Variants in DCBLD1 observed in about 807,000 individuals in gnomAD.
DCBLD1 encodes discoidin, CUB and LCCL domain-containing protein 1.
DCBLD1 carries 57 observed loss-of-function variants against 71.5 expected under a neutral mutation model. The ratio of observed to expected loss-of-function variants is 0.80; its 90% CI spans 0.64 to 0.99. DCBLD1 has a LOEUF of 0.99. DCBLD1 is among the 50% of genes least tolerant of loss of function. The pLI is 0.00. For missense variants in DCBLD1, 891 were observed against 923.5 expected, an observed-to-expected ratio of 0.96 and a Z score of 0.46; for synonymous variants, 380 against 363.8, an observed-to-expected ratio of 1.04 and a Z score of -0.51.
chr6:117,547,185 G>C (rs894690571), intron 14 of DCBLD1, among the ~76,000 whole-genome samples: 3 of 152,140 alleles, frequency 2.0e-5, no homozygotes, highest in Admixed American at 6.5e-5. Context: ...AATTAAACCA[G>C]ACTTCCTAGC....
rs76876385 is a variant in DCBLD1, at chr6:117,501,787, A to G, written c.113-1980A>G. On this transcript the variant is annotated intron_variant, in intron 1 of 14. Transcript: ENST00000338728. ...GTATCATTTTCATTTAATTCTTGGC[A>G]ATTTTGTGTTTACCAACTGCCAGGG... is the stretch of plus-strand genomic sequence containing the variant. Among the ~76,000 whole-genome samples the G allele has an allele frequency of 9.9e-3, 1,511 of 152,240 alleles. 25 individuals are homozygous for G. The highest frequency in any genetic ancestry group is 0.035 in the African/African-American group (1,445 of 41,534).
chr6:117,548,427 T>A lies in DCBLD1; in HGVS notation c.2136T>A (p.Thr712=). 6.4e-7 allele frequency: 1 copy of A among 1,550,648 alleles called. No homozygotes were observed. The highest frequency in any genetic ancestry group is 2.4e-5 in the East Asian group (1 of 40,922). The change falls in exon 15 of 15, where the codon ACT becomes ACA. Residue 712 remains threonine (T), a synonymous_variant. Transcript: ENST00000338728. The part of the protein sequence containing the change: ...CLTPLNQTAM[T]ALL ...CACCCCTCAACCAGACGGCCATGACTGCCCTTTTGTGAACACAATGTGAAA... is the reference window on the plus strand; with the variant it reads ...CACCCCTCAACCAGACGGCCATGACAGCCCTTTTGTGAACACAATGTGAAA...
intron 14 of DCBLD1, among the ~76,000 whole-genome samples, chr6:117,557,206 A>C (rs1371528035): frequency 4.6e-5 from 7 of 152,110 alleles, no homozygotes; most frequent in Admixed American, 3.9e-4. Context: ...ATTGTAGTAA[A>C]TTGGTTCTTT....
chr6:117,501,310 GGTTGTCACGTCTTTCA>G (rs1253082740), intron 1 of DCBLD1, among the ~76,000 whole-genome samples: 2 of 150,078 alleles, frequency 1.3e-5, no homozygotes, highest in East Asian at 3.9e-4. Context: ...CTGATCATGT[GGTTGTCACGTCTTTCA>G]GTTGTCATTG....
At chr6:117,491,435 A>G (rs75517020) in intron 1 of DCBLD1, among the ~76,000 whole-genome samples, 4,647 of 152,294 alleles carry the variant, frequency 0.031, 84 homozygotes, top group Non-Finnish European at 0.038. Flanking sequence ...ACCTACTGTC[A>G]CTGCCAGCTC....
At chr6:117,500,044 A>G (rs887678631) in intron 1 of DCBLD1, among the ~76,000 whole-genome samples, 4 of 152,156 alleles carry the variant, frequency 2.6e-5, no homozygotes, top group African/African-American at 7.2e-5. Flanking sequence ...ATACTTGTCT[A>G]TTGGTTTTCA....
At position 117,525,406 on chromosome 6, in the gene DCBLD1, C is replaced by T. The variant is rs767838532; in HGVS notation, c.557C>T (p.Ser186Phe). ...TGTAGAGACGTAGCAGGAGACATTT[C>T]TGGGAATATGGTAGATGGATATAGA... The part of the protein sequence containing the change: ...AGCRDVAGDI[S>F]GNMVDGYRDT... Residue 186 changes from serine (S) to phenylalanine (F), a missense_variant, in exon 5 of 15, where the codon TCT (serine) becomes TTT (phenylalanine). Physicochemically the swap from Ser to Phe is radical, Grantham distance 155 (BLOSUM62 -2). Transcript: ENST00000338728. The T allele has an allele frequency of 2.6e-6, 4 of 1,515,742 alleles. No homozygotes were observed. In the African/African-American group the frequency reaches 5.6e-5, roughly 21 times the overall value. 93.9% of individuals were successfully genotyped at this position (1,515,742 alleles called of 1,614,324 possible).
intron 1 of DCBLD1, among the ~76,000 whole-genome samples, chr6:117,483,296 G>T (rs1776968473): frequency 6.6e-6 from 1 of 152,210 alleles, no homozygotes; most frequent in South Asian, 2.1e-4. Context: ...GTTCTTTCCA[G>T]CTGCCTTTTG....
At chr6:117,566,749 G>T in intron 14 of DCBLD1, 1 of 654,238 alleles carries the variant, frequency 1.5e-6, no homozygotes. Flanking sequence ...TCATTCCTTT[G>T]ATTTCCTCAC....
At chr6:117,494,179 T>G (rs1276343272) in intron 1 of DCBLD1, among the ~76,000 whole-genome samples, 2 of 152,218 alleles carry the variant, frequency 1.3e-5, no homozygotes, top group Admixed American at 6.5e-5. Flanking sequence ...TTTTTGGCTC[T>G]CAATTTTTAA....
At chr6:117,549,890 AAG>A (rs1779397239), downstream of DCBLD1, 3 of 983,108 alleles carry the variant, frequency 3.1e-6, no homozygotes, top group Non-Finnish European at 3.6e-6. Flanking sequence ...CCACAGTGGA[AAG>A]AGAAAGAGCT....
At chr6:117,527,963 C>G (rs1051867261) in intron 5 of DCBLD1, among the ~76,000 whole-genome samples, 4 of 152,160 alleles carry the variant, frequency 2.6e-5, no homozygotes, top group African/African-American at 9.7e-5. Flanking sequence ...TCTCTTGGCA[C>G]CTTCTCCCCA....
chr6:117,528,264 A>G (rs904260068), intron 5 of DCBLD1, among the ~76,000 whole-genome samples: 5 of 152,212 alleles, frequency 3.3e-5, no homozygotes, highest in Admixed American at 3.3e-4. Flanking sequence ...CATTTTGTGA[A>G]GAAAACATTA....
intron 11 of DCBLD1, among the ~76,000 whole-genome samples, chr6:117,541,489 A>C (rs1779095591): frequency 6.6e-6 from 1 of 152,204 alleles, no homozygotes; most frequent in Non-Finnish European, 1.5e-5. Flanking sequence ...ATTTCAAGAA[A>C]ACATAATGCG....
chr6:117,538,808 G>T lies in DCBLD1; in HGVS notation c.949G>T (p.Asp317Tyr), dbSNP rs143761981. 6.2e-7 allele frequency: 1 copy of T among 1,613,602 alleles called. No homozygotes were observed. Among genetic ancestry groups the T allele is most frequent in the African/African-American group, 1.3e-5 (1 of 74,898 alleles). The change falls in exon 8 of 15, where the codon GAT (aspartate) becomes TAT (tyrosine). Residue 317 changes from aspartate to tyrosine, a missense_variant. Physicochemically the swap from Asp to Tyr is radical, Grantham distance 160. Transcript: ENST00000338728. ...CAAACCACGAGAGTGGCTGGAGATCGATTTGGGGGAGAAAAAGAAAATAAC... is the reference window on the plus strand; with the variant it reads ...CAAACCACGAGAGTGGCTGGAGATCTATTTGGGGGAGAAAAAGAAAATAAC... The part of the protein sequence containing the change: ...NHKPREWLEI[D>Y]LGEKKKITGI...
Position 117,537,602 on chromosome 6 carries a change from A to G in DCBLD1, c.760+377A>G, listed in dbSNP as rs992125605. On this transcript the variant is annotated intron_variant, in intron 7 of 14. Coordinates refer to ENST00000338728, the MANE Select transcript of DCBLD1 (RefSeq NM_001366458.2). ...TAGTTTATTCCTCCATACCCTTCAGATTATGTAGTTTAAAAGGTTGTTTTT... is the reference window on the plus strand; with the variant it reads ...TAGTTTATTCCTCCATACCCTTCAGGTTATGTAGTTTAAAAGGTTGTTTTT... Among the ~76,000 whole-genome samples, 3 of 134,254 alleles carry G rather than the reference A, an allele frequency of 2.2e-5. No individual in the cohort carries two copies. In the South Asian group the frequency reaches 7.6e-4, roughly 34 times the overall value. The allele number at this position is 134,254 out of a possible 152,430, so 88.1% of individuals were successfully genotyped here.
intron 14 of DCBLD1, among the ~76,000 whole-genome samples, chr6:117,566,056 T>A (rs768209259): frequency 6.6e-6 from 1 of 152,128 alleles, no homozygotes; most frequent in Admixed American, 6.5e-5. Flanking sequence ...AAAATTGGTA[T>A]CTTCTTCTTT....
chr6:117,519,759 C>G (rs1778322313), intron 2 of DCBLD1, 57 bp from the exon 3 acceptor site: 1 of 1,574,066 alleles, frequency 6.4e-7, no homozygotes, highest in African/African-American at 1.3e-5. Flanking sequence ...TGCCATATAC[C>G]AGTCATTTGT....
At position 117,520,010 on chromosome 6, in the gene DCBLD1, C is replaced by T. The variant is rs1166073670; in HGVS notation, c.460+60C>T. 8 of 1,594,474 alleles carry T rather than the reference C, an allele frequency of 5.0e-6. No homozygotes were observed. The Admixed American group carries it at 1.3e-4, about 27-fold the overall frequency. On this transcript the variant is annotated intron_variant, in intron 3 of 14. Transcript: ENST00000338728. Reference sequence around the variant, plus strand: ...TTATCTGTCTAAGAATTCCTCTTGCCACTTATCCCCATCCCTGGACATAAT... The same window carrying T: ...TTATCTGTCTAAGAATTCCTCTTGCTACTTATCCCCATCCCTGGACATAAT...
Sources: gnomAD v4.1 joint callset for allele counts (sites outside exome capture counted in the v4.1 genomes callset) on GRCh38, gnomAD v4.1.1 for gene constraint, MANE v1.5 for transcripts, NCBI Gene and HGNC (gene_info 2026-07-23, HGNC 2026-07-21) for gene names.